The following C19orf47 variants were observed in gnomAD, a reference collection of about 807,000 sequenced individuals.
The protein encoded by C19orf47 is chromosome 19 open reading frame 47.
A neutral mutation model predicts 32.3 loss-of-function variants in C19orf47; 18 were observed. The ratio of observed to expected loss-of-function variants is 0.56; its 90% CI spans 0.39 to 0.83. The LOEUF (loss-of-function observed/expected upper bound fraction) is 0.83. C19orf47 is among the 40% of genes least tolerant of loss of function. The pLI, the probability that C19orf47 is intolerant of heterozygous loss-of-function variation, is 0.00. For synonymous variants in C19orf47, 202 were observed against 211.1 expected, an observed-to-expected ratio of 0.96 and a Z score of 0.37; for missense variants, 484 against 531.6, an observed-to-expected ratio of 0.91 and a Z score of 0.88.
intron 5 of C19orf47, among the ~76,000 whole-genome samples, chr19:40,330,079 C>A (rs1482664918): frequency 6.6e-6 from 1 of 152,136 alleles, no homozygotes; most frequent in Non-Finnish European, 1.5e-5. Context: ...TTCTCTTTCC[C>A]ACTCCTGACA....
chr19:40,297,308 G>A, the C19orf47 span, among the ~76,000 whole-genome samples: 1 of 152,184 alleles, frequency 6.6e-6, no homozygotes, highest in African/African-American at 2.4e-5. Flanking sequence ...GCTCATGCCT[G>A]TAATCCCAGC....
In C19orf47 at chr19:40,322,080, G is replaced by A. The variant is rs544705092; in HGVS notation, c.960C>T (p.Gly320=). 3.7e-6 allele frequency: 6 copies of A among 1,614,178 alleles called. No homozygotes were observed. Among genetic ancestry groups the A allele is most frequent in the East Asian group, 2.2e-5 (1 of 44,882 alleles). ...GGGCCTCGGGCACAAGGGCAGCTGCGCCCAGTCTCTTGATGATGCTGACTT... is the reference window on the plus strand; with the variant it reads ...GGGCCTCGGGCACAAGGGCAGCTGCACCCAGTCTCTTGATGATGCTGACTT... ...LSKVSIIKRL[G]AAALVPEAQD... is the part of the protein sequence containing the mutation. The change falls in exon 9 of 9, where the codon GGC becomes GGT. Residue 320 remains glycine (G), a synonymous_variant. Coordinates refer to ENST00000683109, the MANE Select transcript of C19orf47 (RefSeq NM_001256441.2).
intron 7 of C19orf47, 59 bp downstream of exon 7, chr19:40,326,275 G>T: frequency 6.2e-7 from 1 of 1,601,056 alleles, no homozygotes; most frequent in South Asian, 1.1e-5. Flanking sequence ...CGGGCCCTGT[G>T]TGATGCAGAG....
chr19:40,304,374 A>C, the C19orf47 span, among the ~76,000 whole-genome samples: 1 of 152,288 alleles, frequency 6.6e-6, no homozygotes, highest in South Asian at 2.1e-4. Flanking sequence ...ATCCTCCAAA[A>C]GGAACTTCAG....
At chr19:40,294,544 T>C in the C19orf47 span, among the ~76,000 whole-genome samples, 7 of 152,112 alleles carry the variant, frequency 4.6e-5, no homozygotes, top group Non-Finnish European at 7.4e-5. Flanking sequence ...AAGAGAATCA[T>C]AGGGCAAGAA....
At chr19:40,336,444 C>T (rs2078067948) in intron 2 of C19orf47, 37 bp from the exon 3 acceptor site, 12 of 1,565,066 alleles carry the variant, frequency 7.7e-6, no homozygotes, top group Non-Finnish European at 9.6e-6. Context: ...TCACACTGTC[C>T]TCTTTAGAGA....
At chr19:40,317,258 T>C (rs2077668345), downstream of C19orf47, among the ~76,000 whole-genome samples, 2 of 152,004 alleles carry the variant, frequency 1.3e-5, no homozygotes, top group South Asian at 4.1e-4. Context: ...AATACAGGCA[T>C]GATCCACCAA....
chr19:40,345,321 C>A (rs1024001618), intron 1 of C19orf47, among the ~76,000 whole-genome samples: 3 of 152,082 alleles, frequency 2.0e-5, no homozygotes, highest in Non-Finnish European at 4.4e-5. Flanking sequence ...AGACCTGTAT[C>A]CAAATCCCAA....
At position 40,339,387 on chromosome 19, in the gene C19orf47, G is replaced by A. The variant is rs548262588; in HGVS notation, c.19+2452C>T. 2.3e-4 allele frequency among the ~76,000 whole-genome samples: 35 copies of A among 152,298 alleles called. No individual in the cohort carries two copies. The South Asian group carries it at 6.6e-3, about 29-fold the overall frequency. ...TGGAATCGATGAGATGTGGCTTGTT[G>A]CACACACCAGGAGACACGTACAAGA... On this transcript the variant is annotated intron_variant, in intron 2 of 8. Coordinates refer to ENST00000683109, the MANE Select transcript of C19orf47 (RefSeq NM_001256441.2).
chr19:40,327,491 G>C (rs186042955), intron 6 of C19orf47, among the ~76,000 whole-genome samples: 400 of 152,242 alleles, frequency 2.6e-3, no homozygotes, highest in Non-Finnish European at 4.4e-3. Flanking sequence ...ACAAATCAAA[G>C]GCCAGAAGAG....
At chr19:40,300,832 C>T in the C19orf47 span, among the ~76,000 whole-genome samples, 1 of 152,112 alleles carries the variant, frequency 6.6e-6, no homozygotes, top group Admixed American at 6.6e-5. Flanking sequence ...ATTTCCAAAA[C>T]TCTAGTGGAA....
downstream of C19orf47, among the ~76,000 whole-genome samples, chr19:40,319,281 T>C (rs1034448661): frequency 6.7e-6 from 1 of 150,304 alleles, no homozygotes; most frequent in African/African-American, 2.5e-5. Flanking sequence ...AAAAAAAAAA[T>C]AAACAATAAA....
chr19:40,332,120 G>A (rs1036669847), intron 5 of C19orf47, among the ~76,000 whole-genome samples: 3 of 151,914 alleles, frequency 2.0e-5, no homozygotes, highest in Admixed American at 2.0e-4. Flanking sequence ...CACTTTGGGA[G>A]GCTGAGGCAG....
the C19orf47 span, among the ~76,000 whole-genome samples, chr19:40,311,241 T>C: frequency 6.6e-6 from 1 of 151,948 alleles, no homozygotes; most frequent in Admixed American, 6.6e-5. Context: ...TAGCCAGGCA[T>C]GGTGGCGCAT....
At chr19:40,315,200 A>G (rs1444185977), downstream of C19orf47, among the ~76,000 whole-genome samples, 1 of 152,216 alleles carries the variant, frequency 6.6e-6, no homozygotes, top group African/African-American at 2.4e-5. Flanking sequence ...AATAAACTAT[A>G]GACTTTAGTT....
the C19orf47 span, among the ~76,000 whole-genome samples, chr19:40,313,816 C>A: frequency 6.6e-6 from 1 of 151,880 alleles, no homozygotes; most frequent in African/African-American, 2.4e-5. Flanking sequence ...TGCAATCTGG[C>A]CTGGGTGACA....
downstream of C19orf47, among the ~76,000 whole-genome samples, chr19:40,316,141 C>T (rs147554253): frequency 5.8e-4 from 88 of 152,250 alleles, no homozygotes; most frequent in African/African-American, 2.0e-3. Flanking sequence ...GTCAGATGCC[C>T]AAAGGAGGGG....
intron 1 of C19orf47, among the ~76,000 whole-genome samples, chr19:40,347,648 C>G (rs547177850): frequency 5.2e-4 from 79 of 152,156 alleles, no homozygotes; most frequent in Admixed American, 1.3e-3. Context: ...TACTTCAGGA[C>G]TCAGCAAAAT....
intron 1 of C19orf47, among the ~76,000 whole-genome samples, chr19:40,346,104 C>G (rs905598105): frequency 6.7e-5 from 10 of 148,604 alleles, no homozygotes; most frequent in Non-Finnish European, 1.5e-4. Flanking sequence ...TGCAGTGAGC[C>G]GAAACTGTAC....
Sources: gnomAD v4.1 joint callset for allele counts (sites outside exome capture counted in the v4.1 genomes callset) on GRCh38, gnomAD v4.1.1 for gene constraint, MANE v1.5 for transcripts, NCBI Gene and HGNC (gene_info 2026-07-23, HGNC 2026-07-21) for gene names.